SLC7A14: variants seen among roughly 807,000 people sequenced by gnomAD.
The protein encoded by SLC7A14 is gamma-aminobutyric acid transporter SLC7A14.
Under a neutral mutation model 60.2 loss-of-function variants are expected in SLC7A14, and 37 were observed. The observed-to-expected ratio is 0.61, with a 90% CI of 0.47 to 0.81. The LOEUF is 0.81. SLC7A14 is among the 30% of genes least tolerant of loss of function. The probability of loss-of-function intolerance (pLI) is 0.00; values close to 1 mark genes in which losing one functional copy is unlikely to be tolerated. For synonymous variants in SLC7A14, 399 were observed against 395.8 expected (o/e 1.01, Z -0.10); for missense variants, 886 against 982.7 (o/e 0.90, Z 1.32).
chr3:170,525,930 G>T (rs894173353), intron 2 of SLC7A14, among the ~76,000 whole-genome samples: 1 of 152,154 alleles, frequency 6.6e-6, no homozygotes, highest in Non-Finnish European at 1.5e-5. Context: ...AATTAGCCAG[G>T]CGTTGTGGTA....
chr3:170,531,479 C>A (rs1468215544), intron 1 of SLC7A14, among the ~76,000 whole-genome samples: 2 of 152,006 alleles, frequency 1.3e-5, no homozygotes, highest in Non-Finnish European at 2.9e-5. Flanking sequence ...GGAGAATCAA[C>A]CAAAAGCAAA....
intron 2 of SLC7A14, among the ~76,000 whole-genome samples, chr3:170,514,137 C>T (rs867713190): frequency 1.3e-5 from 2 of 152,204 alleles, no homozygotes; most frequent in African/African-American, 2.4e-5. Context: ...CTGGGGTGGC[C>T]GTGGCTCCTT....
intron 1 of SLC7A14, among the ~76,000 whole-genome samples, chr3:170,552,204 C>A (rs907458490): frequency 4.6e-5 from 7 of 151,946 alleles, no homozygotes; most frequent in African/African-American, 1.7e-4. Context: ...GGTGTCAAGA[C>A]AATTGGTGTC....
intron 2 of SLC7A14, among the ~76,000 whole-genome samples, chr3:170,526,113 A>C (rs182721223): frequency 7.7e-4 from 116 of 151,056 alleles, no homozygotes; most frequent in African/African-American, 2.4e-3. Context: ...ACAACAACAA[A>C]AAAGAAGGCC....
intron 1 of SLC7A14, among the ~76,000 whole-genome samples, chr3:170,573,834 A>C (rs997288112): frequency 6.6e-6 from 1 of 152,132 alleles, no homozygotes; most frequent in African/African-American, 2.4e-5. Context: ...CACTCCATTA[A>C]TCCTGACACT....
Position 170,535,051 on chromosome 3 carries a change from T to G in SLC7A14, c.-152-7963A>C, listed in dbSNP as rs1388251607. ...CCCCAGTCAGGGAGGGTATCACAGTTTGACATCACCTTCTCCTCTCCTTTT... is the reference window on the plus strand; with the variant it reads ...CCCCAGTCAGGGAGGGTATCACAGTGTGACATCACCTTCTCCTCTCCTTTT... On this transcript the variant is annotated intron_variant, in intron 1 of 7. Transcript: ENST00000231706. The surrounding 1 kb of genome is among the most constrained non-coding windows in gnomAD (Gnocchi z 4.3). Among the ~76,000 whole-genome samples the G allele has an allele frequency of 6.6e-6, 1 of 152,134 alleles. No homozygotes were observed. Among genetic ancestry groups the G allele is most frequent in the African/African-American group, 2.4e-5 (1 of 41,430 alleles).
chr3:170,525,869 G>A (rs965720090), intron 2 of SLC7A14, among the ~76,000 whole-genome samples: 2 of 152,138 alleles, frequency 1.3e-5, no homozygotes, highest in South Asian at 2.1e-4. Flanking sequence ...TCAGGAGTAC[G>A]ACAGCAGCCT....
chr3:170,474,735 T>G (rs1240289014), intron 7 of SLC7A14, among the ~76,000 whole-genome samples: 1 of 152,184 alleles, frequency 6.6e-6, no homozygotes, highest in Non-Finnish European at 1.5e-5. Context: ...GACCATGAGG[T>G]GTGTCTTCTC....
Position 170,544,253 on chromosome 3 carries a change from G to A in SLC7A14, c.-152-17165C>T, listed in dbSNP as rs990444308. Among the ~76,000 whole-genome samples the A allele has an allele frequency of 3.3e-5, 5 of 151,768 alleles. No individual in the cohort carries two copies. The South Asian group carries it at 6.2e-4, about 19-fold the overall frequency. On this transcript the variant is annotated intron_variant, in intron 1 of 7. Transcript: ENST00000231706. ...AAATAAAAAGGGGTGAACTCCTCTC[G>A]GGACACATTACAGGACTGAAAGAGC...
At chr3:170,554,356 GAAA>G (rs1312038752) in intron 1 of SLC7A14, among the ~76,000 whole-genome samples, 4 of 152,226 alleles carry the variant, frequency 2.6e-5, no homozygotes, top group Non-Finnish European at 5.9e-5. Flanking sequence ...AAGCTAAGGA[GAAA>G]TAGTTCTTGT....
chr3:170,549,573 A>G (rs1714282487), intron 1 of SLC7A14, among the ~76,000 whole-genome samples: 1 of 152,174 alleles, frequency 6.6e-6, no homozygotes, highest in African/African-American at 2.4e-5. Context: ...TAGCTCTTAT[A>G]TAAGCCCAAG....
intron 4 of SLC7A14, among the ~76,000 whole-genome samples, chr3:170,494,328 C>T (rs1300319293): frequency 6.6e-6 from 1 of 152,222 alleles, no homozygotes; most frequent in Admixed American, 6.5e-5. Context: ...TCCTTCATTT[C>T]TTTCTTATGC....
intron 2 of SLC7A14, among the ~76,000 whole-genome samples, chr3:170,522,384 C>T (rs115476507): frequency 0.02 from 3,056 of 152,256 alleles, 41 homozygotes; most frequent in Non-Finnish European, 0.027. Context: ...CTGGAAACAA[C>T]CCAGTTGTCC....
intron 5 of SLC7A14, among the ~76,000 whole-genome samples, chr3:170,485,427 A>C (rs981407541): frequency 7.2e-5 from 11 of 152,158 alleles, no homozygotes; most frequent in African/African-American, 2.4e-4. Context: ...TGGTGACCCA[A>C]GTGAGTGCGC....
intron 7 of SLC7A14, among the ~76,000 whole-genome samples, chr3:170,478,828 T>G (rs1464535532): frequency 1.3e-5 from 2 of 152,122 alleles, no homozygotes; most frequent in Admixed American, 1.3e-4. Flanking sequence ...CACTCATCAC[T>G]AAGAGTCTCT....
chr3:170,578,341 A>G (rs377580738), intron 1 of SLC7A14, among the ~76,000 whole-genome samples: 4 of 152,360 alleles, frequency 2.6e-5, no homozygotes, highest in African/African-American at 7.2e-5. Flanking sequence ...TCCCACACAC[A>G]GGACTGAAGT....
intron 1 of SLC7A14, among the ~76,000 whole-genome samples, chr3:170,553,729 A>G (rs1204553773): frequency 3.3e-5 from 5 of 152,150 alleles, no homozygotes; most frequent in African/African-American, 4.8e-5. Context: ...GGGAGAATAG[A>G]TTTGTCTGAA....
intron 2 of SLC7A14, among the ~76,000 whole-genome samples, chr3:170,509,233 A>G (rs1204216493): frequency 6.6e-6 from 1 of 152,196 alleles, no homozygotes; most frequent in African/African-American, 2.4e-5. Flanking sequence ...CTTTGTGTCT[A>G]AGAAGAGACT....
At chr3:170,486,496 CT>C in intron 4 of SLC7A14, 128 bp from the exon 5 acceptor site, 7 of 1,207,444 alleles carry the variant, frequency 5.8e-6, no homozygotes, top group Admixed American at 1.9e-5. Flanking sequence ...CATGGTGGAA[CT>C]CGTGCTAAAC....
Sources: gnomAD v4.1 joint callset for allele counts (sites outside exome capture counted in the v4.1 genomes callset) on GRCh38, gnomAD v4.1.1 for gene constraint, Gnocchi (gnomAD v3.1) non-coding constraint, MANE v1.5 for transcripts, NCBI Gene and HGNC (gene_info 2026-07-23, HGNC 2026-07-21) for gene names.